The following DDX31 variants were observed in gnomAD, a reference collection of about 807,000 sequenced individuals.
DDX31 encodes ATP-dependent DNA helicase DDX31.
A neutral mutation model predicts 91.3 loss-of-function variants in DDX31; 70 were observed. The observed-to-expected ratio is 0.77, with a 90% CI of 0.63 to 0.94. DDX31 has a LOEUF of 0.94. DDX31 is among the 40% of genes least tolerant of loss of function. The pLI is 0.00. For synonymous variants in DDX31, 362 were observed against 350.6 expected, an observed-to-expected ratio of 1.03 and a Z score of -0.36; for missense variants, 902 against 925.0, an observed-to-expected ratio of 0.98 and a Z score of 0.32.
At chr9:132,666,039 G>GT (rs1835284923) in intron 1 of DDX31, among the ~76,000 whole-genome samples, 1 of 152,168 alleles carries the variant, frequency 6.6e-6, no homozygotes, top group Admixed American at 6.5e-5. Context: ...CAACATTATA[G>GT]TTTTGCCTTG....
At chr9:132,630,615 G>C (rs2130657834) in intron 15 of DDX31, among the ~76,000 whole-genome samples, 1 of 152,304 alleles carries the variant, frequency 6.6e-6, no homozygotes, top group Middle Eastern at 3.4e-3. Context: ...GTGAACAGTG[G>C]CCAAGTTTCC....
chr9:132,616,155 G>A (rs908824203), intron 18 of DDX31, among the ~76,000 whole-genome samples: 1 of 152,218 alleles, frequency 6.6e-6, no homozygotes, highest in Non-Finnish European at 1.5e-5. Context: ...AGGAGAGAAG[G>A]AATGGTGGCG....
chr9:132,622,723 T>C (rs377275253), intron 17 of DDX31, among the ~76,000 whole-genome samples: 31 of 152,372 alleles, frequency 2.0e-4, no homozygotes, highest in Middle Eastern at 3.4e-3. Flanking sequence ...CCACTTATTA[T>C]GATACAGCAA....
chr9:132,657,258 G>T (rs549682122), intron 6 of DDX31, among the ~76,000 whole-genome samples: 5 of 152,296 alleles, frequency 3.3e-5, no homozygotes, highest in South Asian at 2.1e-4. Flanking sequence ...CATTTTGAAT[G>T]AATTCAGGCT....
At chr9:132,637,921 C>T (rs1043940602) in intron 14 of DDX31, 7 of 997,492 alleles carry the variant, frequency 7.0e-6, no homozygotes, top group East Asian at 2.1e-4. Flanking sequence ...TCTTCACAGC[C>T]GTATCTCCTT....
intron 19 of DDX31, among the ~76,000 whole-genome samples, chr9:132,599,394 TG>T: frequency 6.6e-6 from 1 of 152,356 alleles, no homozygotes; most frequent in Non-Finnish European, 1.5e-5. Context: ...TGGCATAAAA[TG>T]TTTTTAATAT....
At chr9:132,665,206 G>C (rs114394537) in intron 1 of DDX31, among the ~76,000 whole-genome samples, 1,716 of 152,250 alleles carry the variant, frequency 0.011, 31 homozygotes, top group African/African-American at 0.039. Flanking sequence ...ACAAATACTT[G>C]TAAGATGAAT....
chr9:132,594,028 T>C lies in DDX31; in HGVS notation c.*838A>G, dbSNP rs867746246. 281 of 8,018 alleles carry C rather than the reference T, an allele frequency of 0.035. 3 individuals carry two copies. Among genetic ancestry groups the C allele is most frequent in the African/African-American group, 0.12 (266 of 2,182 alleles). 0.5% of individuals were successfully genotyped at this position (8,018 alleles called of 1,614,324 possible). On this transcript the variant is annotated 3_prime_UTR_variant, in exon 20 of 20. Transcript: ENST00000372159. The stretch of plus-strand genomic sequence containing the variant: ...AACACAATGCAGGGGCAGGGCGGGG[T>C]GGGTCGGGGGCGGGGGGCGGGCAGC...
At chr9:132,636,138 T>C (rs1833099828) in intron 14 of DDX31, among the ~76,000 whole-genome samples, 1 of 152,150 alleles carries the variant, frequency 6.6e-6, no homozygotes, top group South Asian at 2.1e-4. Flanking sequence ...GCTGCATTTA[T>C]AAGTGTGTAA....
chr9:132,633,031 C>T (rs991961774), intron 14 of DDX31, among the ~76,000 whole-genome samples: 2 of 152,166 alleles, frequency 1.3e-5, no homozygotes, highest in Non-Finnish European at 2.9e-5. Context: ...TTACTACCCA[C>T]CACACACTGC....
chr9:132,653,713 T>C (rs908730001), intron 6 of DDX31, among the ~76,000 whole-genome samples: 3 of 151,922 alleles, frequency 2.0e-5, no homozygotes, highest in African/African-American at 7.3e-5. Context: ...GAGGATGCAA[T>C]AGTACATATA....
chr9:132,645,803 G>A lies in DDX31; in HGVS notation c.1380+92C>T, dbSNP rs1380160275. On this transcript the variant is annotated intron_variant, in intron 13 of 19. Transcript: ENST00000372159. ...GTGTGCAAGGGTCGTAGCCATTGCT[G>A]AGCCTAAAGACCAGGTTTGCCGGAC... The A allele has an allele frequency of 5.7e-6, 8 of 1,400,728 alleles. No individual in the cohort carries two copies. In the Admixed American group the frequency reaches 2.0e-4, roughly 34 times the overall value. The allele number at this position is 1,400,728 out of a possible 1,614,324, so 86.8% of individuals were successfully genotyped here. A position where few individuals can be genotyped will look rare whatever the true frequency, so the allele number is the denominator to read the frequency against.
At chr9:132,655,003 G>A (rs905489523) in intron 6 of DDX31, among the ~76,000 whole-genome samples, 1 of 151,904 alleles carries the variant, frequency 6.6e-6, no homozygotes, top group Non-Finnish European at 1.5e-5. Flanking sequence ...AGCATTGGAG[G>A]GCATGGGAAA....
At chr9:132,659,522 G>A (rs1834799767) in intron 5 of DDX31, among the ~76,000 whole-genome samples, 188 bp downstream of exon 5, 2 of 152,098 alleles carry the variant, frequency 1.3e-5, no homozygotes, top group Admixed American at 1.3e-4. Flanking sequence ...TTCTCATCGT[G>A]GTACCATCAA....
chr9:132,612,947 A>G (rs1055042176), intron 18 of DDX31, among the ~76,000 whole-genome samples: 2 of 152,144 alleles, frequency 1.3e-5, no homozygotes, highest in Non-Finnish European at 2.9e-5. Context: ...GGGTCTCACT[A>G]TGTTGTCCAG....
chr9:132,663,527 C>T (rs1227898440), intron 1 of DDX31: 1 of 985,264 alleles, frequency 1.0e-6, no homozygotes, highest in Non-Finnish European at 1.2e-6. Flanking sequence ...GGAGAAGGAA[C>T]ATCCAATTCC....
chr9:132,658,262 T>A (rs776591563), intron 6 of DDX31: 3 of 702,764 alleles, frequency 4.3e-6, no homozygotes, highest in Non-Finnish European at 7.8e-6. Flanking sequence ...AGAACTGAGG[T>A]AGAAATCCAG....
intron 19 of DDX31, among the ~76,000 whole-genome samples, chr9:132,605,118 A>G (rs1349729910): frequency 6.6e-6 from 1 of 152,028 alleles, no homozygotes; most frequent in East Asian, 1.9e-4. Flanking sequence ...CAAATTCACT[A>G]CACAATAAAA....
intron 1 of DDX31, among the ~76,000 whole-genome samples, chr9:132,669,256 G>GCC (rs35218211): frequency 0.024 from 2,818 of 115,470 alleles, 75 homozygotes; most frequent in African/African-American, 0.069. Context: ...CACCCCGCCC[G>GCC]CCCCCCCCAA....
Sources: allele counts gnomAD v4.1 joint callset (sites outside exome capture counted in the v4.1 genomes callset), GRCh38; gene constraint gnomAD v4.1.1; transcripts MANE v1.5; gene names NCBI Gene and HGNC (gene_info 2026-07-23, HGNC 2026-07-21).